YEATS2: variants seen among roughly 807,000 people sequenced by gnomAD.
YEATS2 encodes the protein YEATS domain containing 2, also known as YEATS domain-containing protein 2.
YEATS2 carries 77 observed loss-of-function variants against 163.2 expected under a neutral mutation model. The observed-to-expected ratio is 0.47, with a 90% CI of 0.39 to 0.57. The LOEUF is 0.57. Ranked by LOEUF, YEATS2 falls within the 20% of genes least tolerant of loss-of-function variation. The probability of loss-of-function intolerance (pLI) is 0.00; values close to 1 mark genes in which losing one functional copy is unlikely to be tolerated. For missense variants in YEATS2, 1,549 were observed against 1,729.8 expected (o/e 0.90, Z 1.85); for synonymous variants, 631 against 645.1 (o/e 0.98, Z 0.33).
Position 183,810,621 on chromosome 3 carries a change from C to A in YEATS2, c.*38C>A. 6.3e-7 allele frequency: 1 copy of A among 1,580,132 alleles called. No individual in the cohort carries two copies. Among genetic ancestry groups the A allele is most frequent in the Non-Finnish European group, 8.7e-7 (1 of 1,150,992 alleles). On this transcript the variant is annotated 3_prime_UTR_variant, in exon 31 of 31. Transcript: ENST00000305135. ...GCCCTGGAGAAGCAGGCTTTGAAGGCACAGCGAAGCTGTAACTGAGGACCC... is the reference window on the plus strand; with the variant it reads ...GCCCTGGAGAAGCAGGCTTTGAAGGAACAGCGAAGCTGTAACTGAGGACCC...
chr3:183,758,840 T>G, intron 12 of YEATS2, 22 bp from the exon 13 acceptor site: 1 of 1,480,904 alleles, frequency 6.8e-7, no homozygotes, highest in Non-Finnish European at 9.3e-7. Flanking sequence ...TGTTTATGTT[T>G]TAATTGTGCC....
intron 19 of YEATS2, among the ~76,000 whole-genome samples, chr3:183,778,962 A>T (rs917730528): frequency 1.3e-5 from 2 of 151,756 alleles, no homozygotes; most frequent in Non-Finnish European, 2.9e-5. Context: ...CTTTTTATAT[A>T]TATTTTTTGA....
intron 20 of YEATS2, 89 bp from the exon 21 acceptor site, chr3:183,790,708 A>C (rs1026878176): frequency 3.7e-6 from 5 of 1,363,712 alleles, no homozygotes; most frequent in Non-Finnish European, 5.1e-6. Flanking sequence ...GATGATATTT[A>C]GTGTGTGTGC....
chr3:183,710,879 T>C (rs1442958369), intron 1 of YEATS2, among the ~76,000 whole-genome samples: 2 of 152,160 alleles, frequency 1.3e-5, no homozygotes, highest in Non-Finnish European at 2.9e-5. Flanking sequence ...GACTCATCTT[T>C]GTAGATAATC....
intron 22 of YEATS2, 75 bp downstream of exon 22, chr3:183,798,126 C>T: frequency 1.2e-5 from 19 of 1,591,866 alleles, no homozygotes; most frequent in South Asian, 3.4e-5. Flanking sequence ...GTGGTGACTG[C>T]TCTGCCTGTG....
intron 2 of YEATS2, among the ~76,000 whole-genome samples, chr3:183,716,572 C>G (rs572833484): frequency 3.3e-4 from 51 of 152,270 alleles, no homozygotes; most frequent in African/African-American, 1.2e-3. Flanking sequence ...AATACCGTTT[C>G]CTTTCAATTA....
intron 20 of YEATS2, among the ~76,000 whole-genome samples, chr3:183,790,231 A>G (rs1219141079): frequency 1.3e-5 from 2 of 152,234 alleles, no homozygotes; most frequent in Admixed American, 6.5e-5. Context: ...ATTCCTAGGC[A>G]GAAGCAGTGC....
chr3:183,756,546 C>T lies in YEATS2; in HGVS notation c.1409C>T (p.Pro470Leu), dbSNP rs1213607713. The change falls in exon 12 of 31, where the codon CCA (proline) becomes CTA (leucine). Residue 470 changes from proline (P) to leucine (L), a missense_variant. Pro to Leu is a moderately conservative substitution (Grantham distance 98). Coordinates refer to ENST00000305135, the MANE Select transcript of YEATS2 (RefSeq NM_018023.5). ...TAATAAGGTTCCCCAATATCAACTCCAAGCCCATCACCATTGCCTCGAACC... is the reference window on the plus strand; with the variant it reads ...TAATAAGGTTCCCCAATATCAACTCTAAGCCCATCACCATTGCCTCGAACC... ...KIVSGSPIST[P>L]SPSPLPRTPT... 1.3e-6 allele frequency: 2 copies of T among 1,582,440 alleles called. No individual in the cohort carries two copies. The highest frequency in any genetic ancestry group is 2.3e-5 in the East Asian group (1 of 43,074).
chr3:183,809,158 CTT>C lies in YEATS2; in HGVS notation c.4149_4150del (p.His1385GlnfsTer11). Reference sequence around the variant, plus strand: ...GCTTTGGCAGTTGGATACCAGACAGCTTCTCACAACAGGTATTACTATCTCTG... The same window carrying C: ...GCTTTGGCAGTTGGATACCAGACAGCCTCACAACAGGTATTACTATCTCTG... On this transcript the variant is annotated frameshift_variant, in exon 30 of 31. Transcript: ENST00000305135. LOFTEE classifies it high-confidence loss of function. 6.2e-7 allele frequency: 1 copy of C among 1,614,112 alleles called. No homozygotes were observed. Among genetic ancestry groups the C allele is most frequent in the East Asian group, 2.2e-5 (1 of 44,878 alleles).
intron 6 of YEATS2, among the ~76,000 whole-genome samples, chr3:183,725,398 G>A (rs987329275): frequency 2.6e-5 from 4 of 152,100 alleles, no homozygotes; most frequent in Non-Finnish European, 5.9e-5. Flanking sequence ...TCCTGCATTT[G>A]CCATTGTATT....
chr3:183,756,613 C>G lies in YEATS2; in HGVS notation c.1476C>G (p.Gly492=), dbSNP rs373838840. Residue 492 remains glycine (G), a synonymous_variant, in exon 12 of 31, where the codon GGC becomes GGG. Coordinates refer to ENST00000305135, the MANE Select transcript of YEATS2 (RefSeq NM_018023.5). Reference sequence around the variant, plus strand: ...TCCACGTGAAGCAAGGCACTGCCGGCTCTGTTATTAATAATCCTTATGTTA... The same window carrying G: ...TCCACGTGAAGCAAGGCACTGCCGGGTCTGTTATTAATAATCCTTATGTTA... The part of the protein sequence containing the change: ...TPVHVKQGTA[G]SVINNPYVIM... 5 of 1,606,944 alleles carry G rather than the reference C, an allele frequency of 3.1e-6. No individual in the cohort carries two copies. The highest frequency in any genetic ancestry group is 3.4e-6 in the Non-Finnish European group (4 of 1,176,798).
intron 21 of YEATS2, chr3:183,793,364 C>T: frequency 9.2e-7 from 1 of 1,091,970 alleles, no homozygotes; most frequent in Non-Finnish European, 1.1e-6. Context: ...ATTTCTACCT[C>T]CCTGTTAAAA....
At chr3:183,755,733 C>A (rs1560276202) in intron 11 of YEATS2, among the ~76,000 whole-genome samples, 2 of 40,990 alleles carry the variant, frequency 4.9e-5, no homozygotes, top group East Asian at 1.7e-3. Flanking sequence ...GATTTTCTTC[C>A]TTCCTTTCTT....
chr3:183,715,289 T>C (rs1218003779), intron 2 of YEATS2, 27 bp downstream of exon 2: 1 of 1,544,734 alleles, frequency 6.5e-7, no homozygotes, highest in Non-Finnish European at 8.9e-7. Flanking sequence ...AGGAAATTAT[T>C]TCTTTATTGA....
At chr3:183,771,670 A>C (rs1274822597) in intron 15 of YEATS2, among the ~76,000 whole-genome samples, 1 of 142,010 alleles carries the variant, frequency 7.0e-6, no homozygotes, top group East Asian at 2.1e-4. Context: ...CCCCTGCCTC[A>C]GCCTCCTGAA....
At chr3:183,779,284 T>C (rs1723322958) in intron 19 of YEATS2, among the ~76,000 whole-genome samples, 1 of 152,246 alleles carries the variant, frequency 6.6e-6, no homozygotes, top group Admixed American at 6.5e-5. Flanking sequence ...ATCAGTTGTA[T>C]TGATCTTTTC....
chr3:183,761,109 C>T (rs144623418), intron 13 of YEATS2, among the ~76,000 whole-genome samples: 19 of 151,036 alleles, frequency 1.3e-4, no homozygotes, highest in South Asian at 2.1e-4. Flanking sequence ...TTTTTTTTTA[C>T]GGAGTTTTGC....
intron 15 of YEATS2, among the ~76,000 whole-genome samples, chr3:183,767,874 G>A (rs899681792): frequency 1.3e-5 from 2 of 152,152 alleles, no homozygotes; most frequent in African/African-American, 2.4e-5. Context: ...TGAAAACTCT[G>A]AAGCACTTGG....
intron 20 of YEATS2, among the ~76,000 whole-genome samples, chr3:183,787,901 G>A (rs561935601): frequency 9.9e-5 from 15 of 152,154 alleles, no homozygotes; most frequent in African/African-American, 3.4e-4. Flanking sequence ...TACTCAGGAG[G>A]CTGAGGCAGG....
Sources: allele counts gnomAD v4.1 joint callset (sites outside exome capture counted in the v4.1 genomes callset), GRCh38; gene constraint gnomAD v4.1.1; transcripts MANE v1.5; gene names NCBI Gene and HGNC (gene_info 2026-07-23, HGNC 2026-07-21).